CDH13: variants seen among roughly 807,000 people sequenced by gnomAD.
The protein encoded by CDH13 is cadherin 13.
A neutral mutation model predicts 63.8 loss-of-function variants in CDH13; 24 were observed. That is an observed-to-expected ratio of 0.38 (90% CI 0.27 to 0.53). The LOEUF (loss-of-function observed/expected upper bound fraction) is 0.53. Ranked by LOEUF, CDH13 falls within the 20% of genes least tolerant of loss-of-function variation. The pLI is 0.85. For synonymous variants in CDH13, 503 were observed against 355.3 expected, an observed-to-expected ratio of 1.42 and a Z score of -4.67; for missense variants, 1,049 against 903.1, an observed-to-expected ratio of 1.16 and a Z score of -2.07.
At chr16:82,942,077 G>C (rs1462794879) in intron 2 of CDH13, among the ~76,000 whole-genome samples, 1 of 152,086 alleles carries the variant, frequency 6.6e-6, no homozygotes, top group African/African-American at 2.4e-5. Context: ...TTCCTATCAG[G>C]CTTATTGCTT....
intron 10 of CDH13, among the ~76,000 whole-genome samples, chr16:83,738,917 G>T (rs11860529): frequency 0.11 from 16,352 of 152,132 alleles, 1,040 homozygotes; most frequent in African/African-American, 0.17. Flanking sequence ...AAACAAAAAG[G>T]GGGGGTTTAG....
intron 2 of CDH13, among the ~76,000 whole-genome samples, chr16:83,012,175 T>C (rs1263080225): frequency 6.6e-6 from 1 of 152,222 alleles, no homozygotes; most frequent in East Asian, 1.9e-4. Flanking sequence ...ATATGTGTTA[T>C]AGTTTAAACA....
intron 3 of CDH13, among the ~76,000 whole-genome samples, chr16:83,078,156 G>T (rs555146615): frequency 4.6e-5 from 7 of 152,144 alleles, no homozygotes; most frequent in Non-Finnish European, 7.3e-5. Flanking sequence ...AGAGTTTTGG[G>T]CAGAATTCAT....
In CDH13 at chr16:82,994,279, C is replaced by T. The variant is rs1434264217; in HGVS notation, c.158-37731C>T. Among the ~76,000 whole-genome samples, 9 of 152,302 alleles carry T rather than the reference C, an allele frequency of 5.9e-5. No individual in the cohort carries two copies. The South Asian group carries it at 6.2e-4, about 11-fold the overall frequency. ...GGGCCTCTTTATAGCTAGAGACCCA[C>T]GTCTCTAACTCCTCCTCATCCTGAC... On this transcript the variant is annotated intron_variant, in intron 2 of 13. Coordinates refer to ENST00000567109, the MANE Select transcript of CDH13 (RefSeq NM_001257.5).
At chr16:82,834,260 G>A (rs975452168) in intron 1 of CDH13, among the ~76,000 whole-genome samples, 2 of 152,166 alleles carry the variant, frequency 1.3e-5, no homozygotes, top group African/African-American at 2.4e-5. Flanking sequence ...GCAGGGGCCT[G>A]CATTAGATGG....
intron 1 of CDH13, among the ~76,000 whole-genome samples, chr16:82,730,019 T>C (rs1309436814): frequency 6.6e-6 from 1 of 152,072 alleles, no homozygotes; most frequent in African/African-American, 2.4e-5. Context: ...AATTGAAGAG[T>C]GTTAGGGCTG....
At chr16:83,418,905 T>A (rs1332163648) in intron 6 of CDH13, among the ~76,000 whole-genome samples, 2 of 152,070 alleles carry the variant, frequency 1.3e-5, no homozygotes, top group Admixed American at 6.6e-5. Flanking sequence ...AAATGAAGTG[T>A]CATATGGAGA....
chr16:82,737,544 A>T (rs546817991), intron 1 of CDH13, among the ~76,000 whole-genome samples: 2 of 152,222 alleles, frequency 1.3e-5, no homozygotes, highest in Admixed American at 6.5e-5. Flanking sequence ...CCACTGCCCC[A>T]ACGGTCTTGC....
chr16:83,347,513 G>A (rs796874892), intron 6 of CDH13, among the ~76,000 whole-genome samples: 7 of 152,292 alleles, frequency 4.6e-5, no homozygotes, highest in African/African-American at 1.7e-4. Context: ...GGTGAACACA[G>A]CCATCAGGTA....
chr16:82,793,769 A>C (rs2036438163), intron 1 of CDH13, among the ~76,000 whole-genome samples: 1 of 152,170 alleles, frequency 6.6e-6, no homozygotes, highest in Admixed American at 6.5e-5. Flanking sequence ...GAATGAGGTG[A>C]ATGGCCTCAG....
intron 5 of CDH13, among the ~76,000 whole-genome samples, chr16:83,287,885 A>C (rs2151862474): frequency 6.6e-6 from 1 of 152,296 alleles, no homozygotes; most frequent in Non-Finnish European, 1.5e-5. Flanking sequence ...ACTCAAAATT[A>C]ATGCATAGAA....
At chr16:83,320,638 C>G (rs1334730852) in intron 5 of CDH13, among the ~76,000 whole-genome samples, 2 of 152,116 alleles carry the variant, frequency 1.3e-5, no homozygotes, top group Non-Finnish European at 2.9e-5. Context: ...TTAAAATATT[C>G]TGAAGATAAT....
chr16:83,219,986 C>A (rs570003264), intron 5 of CDH13, among the ~76,000 whole-genome samples: 16 of 152,204 alleles, frequency 1.1e-4, no homozygotes, highest in African/African-American at 3.9e-4. Context: ...GGTCATATAC[C>A]CTCATTGGAA....
intron 1 of CDH13, among the ~76,000 whole-genome samples, chr16:82,654,792 C>T (rs1036212087): frequency 3.3e-5 from 5 of 151,820 alleles, no homozygotes; most frequent in Admixed American, 2.0e-4. Context: ...GGCAGCTTCT[C>T]AGGTTATAGT....
chr16:82,774,530 A>G (rs2035405930), intron 1 of CDH13, among the ~76,000 whole-genome samples: 1 of 152,202 alleles, frequency 6.6e-6, no homozygotes, highest in Non-Finnish European at 1.5e-5. Flanking sequence ...CTTGACCTTC[A>G]GAAAAAGAAT....
chr16:82,861,563 C>G (rs975200432), intron 2 of CDH13, among the ~76,000 whole-genome samples: 3 of 152,144 alleles, frequency 2.0e-5, no homozygotes, highest in African/African-American at 7.2e-5. Flanking sequence ...TTCCTTTTAT[C>G]CTTTTTCATC....
At chr16:83,478,524 C>G (rs1295025126) in intron 6 of CDH13, among the ~76,000 whole-genome samples, 1 of 152,164 alleles carries the variant, frequency 6.6e-6, no homozygotes, top group African/African-American at 2.4e-5. Flanking sequence ...GCTGGACCAC[C>G]ATATGAAAAT....
intron 1 of CDH13, among the ~76,000 whole-genome samples, chr16:82,793,677 G>A (rs868224640): frequency 2.6e-5 from 4 of 152,076 alleles, no homozygotes; most frequent in Admixed American, 1.3e-4. Flanking sequence ...TTTATTCTCC[G>A]CAGCCTCCTT....
chr16:83,106,269 A>C (rs1050709068), intron 3 of CDH13, among the ~76,000 whole-genome samples: 6 of 152,146 alleles, frequency 3.9e-5, no homozygotes, highest in Non-Finnish European at 7.4e-5. Context: ...GCCAGGCACC[A>C]TGGCTCATGC....
Sources: gnomAD v4.1 joint callset for allele counts (sites outside exome capture counted in the v4.1 genomes callset) on GRCh38, gnomAD v4.1.1 for gene constraint, MANE v1.5 for transcripts, NCBI Gene and HGNC (gene_info 2026-07-23, HGNC 2026-07-21) for gene names.